Variants in COL5A2 observed in about 807,000 individuals in gnomAD.
COL5A2 encodes the protein collagen type V alpha 2 chain.
COL5A2 carries 23 observed loss-of-function variants against 208.2 expected under a neutral mutation model. The ratio of observed to expected loss-of-function variants is 0.11; its 90% CI spans 0.08 to 0.16. COL5A2 has a LOEUF of 0.16. Ranked by LOEUF, COL5A2 falls within the 10% of genes least tolerant of loss-of-function variation. The probability of loss-of-function intolerance (pLI) is 1.00; values close to 1 mark genes in which losing one functional copy is unlikely to be tolerated. For synonymous variants in COL5A2, 625 were observed against 628.5 expected, an observed-to-expected ratio of 0.99 and a Z score of 0.08; for missense variants, 1,590 against 1,956.4, an observed-to-expected ratio of 0.81 and a Z score of 3.53.
At chr2:189,392,569 A>G in the COL5A2 span, among the ~76,000 whole-genome samples, 1 of 152,160 alleles carries the variant, frequency 6.6e-6, no homozygotes, top group Admixed American at 6.5e-5. Context: ...AAAGAAGCAA[A>G]TCATCTTACT....
chr2:189,068,143 T>C (rs761842657), intron 20 of COL5A2, 30 bp from the exon 21 acceptor site: 1 of 1,605,190 alleles, frequency 6.2e-7, no homozygotes, highest in South Asian at 1.1e-5. Context: ...ATGTGGTAAG[T>C]AGAGACACAG....
At chr2:189,035,885 AT>A (rs1685434527) in intron 52 of COL5A2, among the ~76,000 whole-genome samples, 1 of 152,132 alleles carries the variant, frequency 6.6e-6, no homozygotes, top group Non-Finnish European at 1.5e-5. Context: ...AAATATTCAC[AT>A]TGCAACAGGC....
At chr2:189,128,646 AT>A (rs1407468492) in intron 1 of COL5A2, among the ~76,000 whole-genome samples, 3 of 151,888 alleles carry the variant, frequency 2.0e-5, no homozygotes, top group Non-Finnish European at 4.4e-5. Context: ...GGAAACTTGT[AT>A]TTTTTAGAAG....
chr2:189,424,567 T>C, the COL5A2 span, among the ~76,000 whole-genome samples: 4 of 152,230 alleles, frequency 2.6e-5, no homozygotes, highest in Middle Eastern at 3.4e-3. Context: ...ATTCCACTTA[T>C]AGTAGCTACA....
intron 1 of COL5A2, among the ~76,000 whole-genome samples, chr2:189,178,160 C>A (rs188237998): frequency 6.6e-6 from 1 of 152,078 alleles, no homozygotes; most frequent in Non-Finnish European, 1.5e-5. Flanking sequence ...TTATAAATTA[C>A]CTCATATTTT....
the COL5A2 span, among the ~76,000 whole-genome samples, chr2:189,231,806 C>A: frequency 6.7e-6 from 1 of 150,128 alleles, no homozygotes; most frequent in Admixed American, 6.7e-5. Context: ...TTTTTCCATT[C>A]TCTGTTCCAA....
chr2:189,036,693 G>A lies in COL5A2; in HGVS notation c.4036C>T (p.Arg1346Cys), dbSNP rs574249256. Reference sequence around the variant, plus strand: ...GATTTACTGGCCCACCAGGTTTTACGTGGTACACTGGATGGGTTTGCTGAA... The same window carrying A: ...GATTTACTGGCCCACCAGGTTTTACATGGTACACTGGATGGGTTTGCTGAA... ...CISANPSSVP[R>C]KTWWASKSPD... The change falls in exon 52 of 54, where the codon CGT becomes TGT. Residue 1346 changes from arginine (R) to cysteine (C), a missense_variant. Coordinates refer to ENST00000374866, the MANE Select transcript of COL5A2 (RefSeq NM_000393.5). The A allele has an allele frequency of 9.3e-6, 15 of 1,613,422 alleles. No individual in the cohort carries two copies. The highest frequency in any genetic ancestry group is 5.3e-5 in the African/African-American group (4 of 74,904).
intron 52 of COL5A2, among the ~76,000 whole-genome samples, chr2:189,035,583 C>T (rs1195130505): frequency 1.3e-5 from 2 of 149,068 alleles, no homozygotes; most frequent in African/African-American, 4.9e-5. Context: ...CAAAAATAAT[C>T]AAAAAAATTT....
At chr2:189,266,652 G>T in the COL5A2 span, among the ~76,000 whole-genome samples, 1 of 152,022 alleles carries the variant, frequency 6.6e-6, no homozygotes, top group Non-Finnish European at 1.5e-5. Flanking sequence ...ATGGGAATAG[G>T]GTGTGTTTTG....
At chr2:189,085,122 T>C in intron 11 of COL5A2, 38 bp downstream of exon 11, 1 of 1,583,966 alleles carries the variant, frequency 6.3e-7, no homozygotes, top group Non-Finnish European at 8.7e-7. Context: ...CCTTCGCCTC[T>C]TCAAAACCTG....
chr2:189,436,776 T>A, the COL5A2 span, among the ~76,000 whole-genome samples: 55 of 152,132 alleles, frequency 3.6e-4, no homozygotes, highest in Non-Finnish European at 6.2e-4. Flanking sequence ...CCACATGTTC[T>A]CACTTATAAG....
At chr2:189,337,175 A>ATTTT in the COL5A2 span, among the ~76,000 whole-genome samples, 1 of 141,918 alleles carries the variant, frequency 7.0e-6, no homozygotes, top group African/African-American at 2.6e-5. Flanking sequence ...TTTTGACATC[A>ATTTT]TTTTTTTTTT....
intron 1 of COL5A2, among the ~76,000 whole-genome samples, chr2:189,191,025 C>T (rs1688916584): frequency 6.6e-6 from 1 of 151,522 alleles, no homozygotes; most frequent in Non-Finnish European, 1.5e-5. Context: ...GATAAAAGGA[C>T]TTGAAGTCAC....
chr2:189,308,637 T>G, the COL5A2 span, among the ~76,000 whole-genome samples: 8 of 152,146 alleles, frequency 5.3e-5, no homozygotes, highest in Non-Finnish European at 1.0e-4. Flanking sequence ...TGATAAAACC[T>G]TGGTCTCCAC....
At chr2:189,209,654 A>G (rs1475902943) in intron 1 of COL5A2, among the ~76,000 whole-genome samples, 2 of 152,236 alleles carry the variant, frequency 1.3e-5, no homozygotes, top group Non-Finnish European at 2.9e-5. Context: ...TCTGAGAAAG[A>G]AGCAACAATA....
chr2:189,311,762 G>A, the COL5A2 span: 27,546 of 804,948 alleles, frequency 0.034, 558 homozygotes, highest in Admixed American at 0.051. Context: ...AGCTCCTCTC[G>A]GTTCTTCCAA....
intron 17 of COL5A2, among the ~76,000 whole-genome samples, chr2:189,073,215 T>G (rs1235729191): frequency 1.3e-5 from 2 of 152,250 alleles, no homozygotes; most frequent in South Asian, 2.1e-4. Flanking sequence ...CCTCATAATA[T>G]TTTCTTTTCT....
chr2:189,180,067 C>G (rs988049567), upstream of COL5A2, among the ~76,000 whole-genome samples: 8 of 152,198 alleles, frequency 5.3e-5, no homozygotes, highest in Admixed American at 3.3e-4. Context: ...CCCTTCCCCC[C>G]AGACACACAC....
the COL5A2 span, among the ~76,000 whole-genome samples, chr2:189,377,602 C>G: frequency 6.6e-6 from 1 of 152,098 alleles, no homozygotes; most frequent in Non-Finnish European, 1.5e-5. Context: ...ATAACCAAGA[C>G]CTCTTCTTAA....
Sources: gnomAD v4.1 joint callset for allele counts (sites outside exome capture counted in the v4.1 genomes callset) on GRCh38, gnomAD v4.1.1 for gene constraint, MANE v1.5 for transcripts, NCBI Gene and HGNC (gene_info 2026-07-23, HGNC 2026-07-21) for gene names.